The following CCDC15 variants were observed in gnomAD, a reference collection of about 807,000 sequenced individuals.
CCDC15 encodes coiled-coil domain-containing protein 15.
CCDC15 carries 105 observed loss-of-function variants against 114.5 expected under a neutral mutation model. The observed-to-expected ratio is 0.92, with a 90% CI of 0.78 to 1.08. CCDC15 has a LOEUF of 1.08. Ranked by LOEUF, CCDC15 falls within the 50% of genes least tolerant of loss-of-function variation. CCDC15 has a pLI of 0.00. For missense variants in CCDC15, 1,105 were observed against 1,093.6 expected (o/e 1.01, Z -0.15); for synonymous variants, 334 against 377.8 (o/e 0.88, Z 1.34).
chr11:125,013,865 A>G (rs1274465453), intron 13 of CCDC15, among the ~76,000 whole-genome samples: 2 of 152,186 alleles, frequency 1.3e-5, no homozygotes, highest in South Asian at 2.1e-4. Flanking sequence ...ATGACATTGG[A>G]TAAGGTACAG....
chr11:124,972,416 T>C (rs1255996190), intron 4 of CCDC15, among the ~76,000 whole-genome samples: 2 of 152,202 alleles, frequency 1.3e-5, no homozygotes, highest in Admixed American at 6.5e-5. Context: ...TACATATATA[T>C]GTAATGACCA....
intron 13 of CCDC15, chr11:125,037,976 TG>T (rs68044484): frequency 0.11 from 16,076 of 151,872 alleles, 1,286 homozygotes; most frequent in East Asian, 0.39. Context: ...TGGAGTGCAG[TG>T]GTGCAATTTC....
At chr11:124,985,114 T>C (rs1665083328) in intron 6 of CCDC15, among the ~76,000 whole-genome samples, 1 of 152,234 alleles carries the variant, frequency 6.6e-6, no homozygotes, top group Non-Finnish European at 1.5e-5. Flanking sequence ...ATATATCGTC[T>C]TTTGTGACTG....
chr11:125,026,458 T>G (rs112736817), intron 13 of CCDC15, among the ~76,000 whole-genome samples: 5 of 152,362 alleles, frequency 3.3e-5, no homozygotes, highest in African/African-American at 1.2e-4. Context: ...AATTCAAGAC[T>G]GTCTTTCCTA....
intron 4 of CCDC15, among the ~76,000 whole-genome samples, chr11:124,972,070 T>C (rs1225014619): frequency 1.3e-5 from 2 of 152,232 alleles, no homozygotes; most frequent in Non-Finnish European, 2.9e-5. Flanking sequence ...ACTATGATTA[T>C]GTTTCCGTCT....
intron 13 of CCDC15, among the ~76,000 whole-genome samples, chr11:125,034,754 G>C (rs1302492139): frequency 1.3e-5 from 2 of 152,042 alleles, no homozygotes; most frequent in Non-Finnish European, 2.9e-5. Flanking sequence ...CATACTATTA[G>C]AAGTAGAGTC....
rs769170576 is a variant in CCDC15 at position 124,987,953 on chromosome 11, T to C, written c.1727T>C (p.Ile576Thr). 6.2e-7 allele frequency: 1 copy of C among 1,613,850 alleles called. No individual in the cohort carries two copies. The highest frequency in any genetic ancestry group is 2.2e-5 in the East Asian group (1 of 44,874). Residue 576 changes from isoleucine (I) to threonine (T), a missense_variant, in exon 8 of 16, where the codon ATT becomes ACT. By Grantham distance (89) the Ile-to-Thr change is moderately conservative. Coordinates refer to ENST00000344762, the MANE Select transcript of CCDC15 (RefSeq NM_025004.3). The stretch of plus-strand genomic sequence containing the variant: ...GGTGTTCTTCCCAAAGACCAAAATA[T>C]TCTACCCATATGTCAGGACCAGGAT... ...DQGVLPKDQN[I>T]LPICQDQDFL...
intron 6 of CCDC15, among the ~76,000 whole-genome samples, chr11:124,986,204 C>G (rs1352974254): frequency 6.6e-6 from 1 of 152,082 alleles, no homozygotes; most frequent in African/African-American, 2.4e-5. Flanking sequence ...GAGTTCTGTT[C>G]CATTGTTCTG....
intron 9 of CCDC15, 139 bp downstream of exon 9, chr11:124,991,722 C>T (rs943270363): frequency 1.5e-5 from 11 of 755,876 alleles, no homozygotes; most frequent in Admixed American, 3.1e-5. Context: ...CTTTCTCTGT[C>T]GCCCAGGCTG....
chr11:125,021,204 T>C (rs1948658578), intron 13 of CCDC15, among the ~76,000 whole-genome samples: 1 of 151,676 alleles, frequency 6.6e-6, no homozygotes, highest in South Asian at 2.1e-4. Context: ...TCTAAAGAAG[T>C]ATACGAGGAA....
chr11:124,991,203 A>T (rs1172354197), intron 8 of CCDC15, among the ~76,000 whole-genome samples: 2 of 152,228 alleles, frequency 1.3e-5, no homozygotes, highest in East Asian at 3.9e-4. Context: ...TCAGGCCTCC[A>T]TCAGAGGCAA....
intron 15 of CCDC15, 71 bp from the exon 16 acceptor site, chr11:125,040,519 A>AC (rs1188432325): frequency 9.7e-6 from 14 of 1,442,154 alleles, no homozygotes; most frequent in Non-Finnish European, 1.3e-5. Context: ...AAGCAGTACT[A>AC]ATAAGATAGA....
At chr11:125,037,024 A>G (rs1948779989) in intron 13 of CCDC15, among the ~76,000 whole-genome samples, 1 of 152,040 alleles carries the variant, frequency 6.6e-6, no homozygotes, top group Non-Finnish European at 1.5e-5. Flanking sequence ...AGTAGTCTTG[A>G]TGCTTGTGGA....
intron 13 of CCDC15, among the ~76,000 whole-genome samples, chr11:125,036,695 A>G (rs1244688422): frequency 6.6e-6 from 1 of 152,032 alleles, no homozygotes; most frequent in Non-Finnish European, 1.5e-5. Context: ...GTGTATTTTC[A>G]AATAGCCTGT....
At chr11:125,022,849 T>C (rs142770090) in intron 13 of CCDC15, among the ~76,000 whole-genome samples, 1 of 152,082 alleles carries the variant, frequency 6.6e-6, no homozygotes, top group East Asian at 1.9e-4. Context: ...AACTCAGTTA[T>C]GAGTTCTAGT....
chr11:124,954,203 G>A lies in CCDC15; in HGVS notation c.-177G>A, dbSNP rs1947505319. On this transcript the variant is annotated 5_prime_UTR_variant, in exon 1 of 16. Coordinates refer to ENST00000344762, the MANE Select transcript of CCDC15 (RefSeq NM_025004.3). ...GGCGGTTACCTTAGTACTCCGAGTA[G>A]ACTGAGTCTGTGGCGAGCTGCGGGC... 1 of 154,910 alleles carries A rather than the reference G, an allele frequency of 6.5e-6. No homozygotes were observed. The highest frequency in any genetic ancestry group is 2.4e-5 in the African/African-American group (1 of 41,490). The allele number at this position is 154,910 out of a possible 1,614,324, so 9.6% of individuals were successfully genotyped here. A position where few individuals can be genotyped will look rare whatever the true frequency, so the allele number is the denominator to read the frequency against.
intron 13 of CCDC15, among the ~76,000 whole-genome samples, chr11:125,006,637 GT>G (rs1948553685): frequency 6.6e-6 from 1 of 152,092 alleles, no homozygotes; most frequent in Non-Finnish European, 1.5e-5. Context: ...CCTTCTAGGA[GT>G]TTTGTAGTTT....
At chr11:125,010,038 C>G (rs1331842095) in intron 13 of CCDC15, among the ~76,000 whole-genome samples, 2 of 152,148 alleles carry the variant, frequency 1.3e-5, no homozygotes, top group East Asian at 1.9e-4. Context: ...AATGGTAGTT[C>G]TAAGTTCTTT....
At chr11:125,004,106 T>G in intron 12 of CCDC15, 147 bp downstream of exon 12, 1 of 447,056 alleles carries the variant, frequency 2.2e-6, no homozygotes. Context: ...GCTTGACTCA[T>G]TATAATGTGT....
Sources: allele counts gnomAD v4.1 joint callset (sites outside exome capture counted in the v4.1 genomes callset), GRCh38; gene constraint gnomAD v4.1.1; transcripts MANE v1.5; gene names NCBI Gene and HGNC (gene_info 2026-07-23, HGNC 2026-07-21).